CDON: variants seen among roughly 807,000 people sequenced by gnomAD.
The protein encoded by CDON is cell adhesion molecule-related/down-regulated by oncogenes.
A neutral mutation model predicts 120.9 loss-of-function variants in CDON; 73 were observed. That is an observed-to-expected ratio of 0.60 (90% confidence interval 0.50 to 0.73). The LOEUF (loss-of-function observed/expected upper bound fraction) is 0.73. Among genes scored for constraint, CDON ranks in the 30% least tolerant of loss-of-function variants. The probability of loss-of-function intolerance (pLI) is 0.00; values close to 1 mark genes in which losing one functional copy is unlikely to be tolerated. For missense variants in CDON, 1,470 were observed against 1,587.3 expected, an observed-to-expected ratio of 0.93 and a Z score of 1.26; for synonymous variants, 566 against 573.5, an observed-to-expected ratio of 0.99 and a Z score of 0.19.
intron 1 of CDON, among the ~76,000 whole-genome samples, chr11:126,031,233 G>C (rs1457923277): frequency 6.6e-6 from 1 of 152,202 alleles, no homozygotes; most frequent in African/African-American, 2.4e-5. Flanking sequence ...CTGCCCACAT[G>C]AGGCTTACAA....
intron 1 of CDON, among the ~76,000 whole-genome samples, chr11:126,033,865 T>C (rs774725601): frequency 1.8e-4 from 27 of 152,170 alleles, no homozygotes; most frequent in African/African-American, 5.8e-4. Flanking sequence ...GGGGTTCTTT[T>C]AGAAACTTAA....
At chr11:125,987,317 C>T (rs1207971436) in intron 15 of CDON, among the ~76,000 whole-genome samples, 2 of 152,162 alleles carry the variant, frequency 1.3e-5, no homozygotes, top group Non-Finnish European at 1.5e-5. Context: ...AGAAACATCA[C>T]AGCAGTCTCT....
intron 5 of CDON, 33 bp downstream of exon 5, chr11:126,018,297 C>T: frequency 1.2e-6 from 2 of 1,607,400 alleles, no homozygotes; most frequent in Non-Finnish European, 1.7e-6. Flanking sequence ...GACTCTTCCT[C>T]TTCCAGTTAC....
chr11:126,041,672 C>T (rs1481816896), intron 1 of CDON, among the ~76,000 whole-genome samples: 1 of 152,202 alleles, frequency 6.6e-6, no homozygotes, highest in Non-Finnish European at 1.5e-5. Flanking sequence ...GGTCAAACCA[C>T]AAATAGTTTA....
chr11:125,960,874 T>A lies in CDON; in HGVS notation c.*68A>T. 1 of 1,423,730 alleles carries A rather than the reference T, an allele frequency of 7.0e-7. No homozygotes were observed. Among genetic ancestry groups the A allele is most frequent in the Admixed American group, 1.7e-5 (1 of 59,798 alleles). 88.2% of individuals were successfully genotyped at this position (1,423,730 alleles called of 1,614,324 possible). A position where few individuals can be genotyped will look rare whatever the true frequency, so the allele number is the denominator to read the frequency against. ...TTTGAATTAAGGTCCTTCACACAGT[T>A]CGCTCCCAGGCCTGTTGTGTGCAGT... On this transcript the variant is annotated 3_prime_UTR_variant, in exon 20 of 20. Coordinates refer to ENST00000531738, the MANE Select transcript of CDON (RefSeq NM_001378964.1).
At chr11:125,974,068 G>C (rs557095322) in intron 18 of CDON, among the ~76,000 whole-genome samples, 2 of 151,556 alleles carry the variant, frequency 1.3e-5, no homozygotes, top group South Asian at 4.2e-4. Context: ...GCTAATTTTT[G>C]TATTTTTAGT....
In CDON at chr11:125,958,602, T is replaced by C. The variant is rs1945554830; in HGVS notation, c.*2340A>G. On this transcript the variant is annotated 3_prime_UTR_variant, in exon 20 of 20. Transcript: ENST00000531738. ...GTGTGTGTGTGTGTGTTTATATATA[T>C]ATATTTATATATTTCAATATATAAA... The C allele has an allele frequency of 1.3e-5, 2 of 150,248 alleles. No individual in the cohort carries two copies. Among genetic ancestry groups the C allele is most frequent in the Non-Finnish European group, 3.0e-5 (2 of 67,634 alleles). 9.3% of individuals were successfully genotyped at this position (150,248 alleles called of 1,614,324 possible).
At chr11:126,009,705 A>G (rs1947236178) in intron 8 of CDON, among the ~76,000 whole-genome samples, 1 of 152,184 alleles carries the variant, frequency 6.6e-6, no homozygotes, top group Non-Finnish European at 1.5e-5. Flanking sequence ...CCAACTGACT[A>G]GCTGTTGGGG....
At chr11:125,980,213 C>G (rs567092583) in intron 17 of CDON, among the ~76,000 whole-genome samples, 24 of 152,248 alleles carry the variant, frequency 1.6e-4, no homozygotes, top group African/African-American at 5.8e-4. Context: ...GAGAACCCCA[C>G]GTAAGTCTAA....
chr11:125,965,100 G>T (rs1457566646), intron 18 of CDON, among the ~76,000 whole-genome samples: 10 of 151,922 alleles, frequency 6.6e-5, no homozygotes, highest in Non-Finnish European at 7.4e-5. Flanking sequence ...CTAATTTTTT[G>T]TGTGTATTTT....
chr11:125,974,402 G>GATGGAGGGAGGGAGGGAGGGAGGA (rs1946096185), intron 18 of CDON, among the ~76,000 whole-genome samples: 1 of 18,340 alleles, frequency 5.5e-5, no homozygotes, highest in African/African-American at 1.6e-4. Flanking sequence ...GGGAGGGAGG[G>GATGGAGGGAGGGAGGGAGGGAGGA]AGGGAGGGAG....
In CDON at chr11:126,010,688, C is replaced by T. The variant is rs771664940; in HGVS notation, c.1205G>A (p.Gly402Glu). 1.2e-6 allele frequency: 2 copies of T among 1,613,342 alleles called. No individual in the cohort carries two copies. Among genetic ancestry groups the T allele is most frequent in the Non-Finnish European group, 1.7e-6 (2 of 1,179,506 alleles). Residue 402 changes from glycine (G) to glutamate (E), a missense_variant, in exon 8 of 20, where the codon GGA becomes GAA. Gly to Glu is a moderately conservative substitution (Grantham distance 98). Coordinates refer to ENST00000531738, the MANE Select transcript of CDON (RefSeq NM_001378964.1). The part of the protein sequence containing the change: ...TGRLEIENDG[G>E]FKPVIITAPV... Reference sequence around the variant, plus strand: ...TGCCGTAATTATAACTGGCTTGAATCCACCGTCTATTAAAAAAGTAATTCA... The same window carrying T: ...TGCCGTAATTATAACTGGCTTGAATTCACCGTCTATTAAAAAAGTAATTCA...
Position 125,966,516 on chromosome 11 carries a change from C to G in CDON, c.3357-4518G>C, listed in dbSNP as rs1014147921. Among the ~76,000 whole-genome samples the G allele has an allele frequency of 2.3e-4, 35 of 152,108 alleles. 1 individual carries two copies. The highest frequency in any genetic ancestry group is 6.6e-5 in the Admixed American group (1 of 15,262). On this transcript the variant is annotated intron_variant, in intron 18 of 19. Coordinates refer to ENST00000531738, the MANE Select transcript of CDON (RefSeq NM_001378964.1). ...GAAAAACTCTGTATTTAACTGGAGT[C>G]TCTCTGCAGGGGGAAAGGAGAGAAT...
At chr11:126,020,700 G>A (rs978428339) in intron 3 of CDON, among the ~76,000 whole-genome samples, 11 of 152,178 alleles carry the variant, frequency 7.2e-5, no homozygotes, top group Non-Finnish European at 1.0e-4. Context: ...GAAAAACCAC[G>A]CATTCCAGAT....
intron 1 of CDON, among the ~76,000 whole-genome samples, chr11:126,038,512 C>T (rs1948164965): frequency 6.6e-6 from 1 of 152,034 alleles, no homozygotes; most frequent in Non-Finnish European, 1.5e-5. Context: ...ATTAGCTGGG[C>T]ATGGTGGCGG....
chr11:126,015,138 C>T, intron 7 of CDON, 103 bp downstream of exon 7: 1 of 1,127,300 alleles, frequency 8.9e-7, no homozygotes, highest in Admixed American at 1.7e-5. Context: ...TTGTACGGTG[C>T]TAGGGTTATT....
chr11:126,011,517 CATT>C, intron 7 of CDON, among the ~76,000 whole-genome samples: 1 of 152,286 alleles, frequency 6.6e-6, no homozygotes, highest in East Asian at 1.9e-4. Context: ...GATTATGCGA[CATT>C]ATTAATTTTC....
At chr11:125,970,220 G>A (rs376260475) in intron 18 of CDON, among the ~76,000 whole-genome samples, 4 of 148,994 alleles carry the variant, frequency 2.7e-5, no homozygotes, top group South Asian at 2.2e-4. Context: ...CTGTCGCCAG[G>A]CTGGAGTGCA....
chr11:126,049,742 T>C (rs1948508466), intron 1 of CDON, among the ~76,000 whole-genome samples: 1 of 152,146 alleles, frequency 6.6e-6, no homozygotes, highest in Non-Finnish European at 1.5e-5. Flanking sequence ...TTGTAACACA[T>C]CCAAGAAATT....
Sources: allele counts gnomAD v4.1 joint callset (sites outside exome capture counted in the v4.1 genomes callset), GRCh38; gene constraint gnomAD v4.1.1; transcripts MANE v1.5; gene names NCBI Gene and HGNC (gene_info 2026-07-23, HGNC 2026-07-21).